CYFIP2: variants seen among roughly 807,000 people sequenced by gnomAD.
CYFIP2 encodes the protein cytoplasmic FMR1 interacting protein 2.
CYFIP2 carries 29 observed loss-of-function variants against 158.7 expected under a neutral mutation model. That is an observed-to-expected ratio of 0.18 (90% CI 0.14 to 0.25). CYFIP2 has a LOEUF of 0.25. Among genes scored for constraint, CYFIP2 ranks in the 10% least tolerant of loss-of-function variants. The probability of loss-of-function intolerance (pLI) is 1.00; values close to 1 mark genes in which losing one functional copy is unlikely to be tolerated. For synonymous variants in CYFIP2, 585 were observed against 617.6 expected, an observed-to-expected ratio of 0.95 and a Z score of 0.78; for missense variants, 852 against 1,639.5, an observed-to-expected ratio of 0.52 and a Z score of 8.29.
intron 1 of CYFIP2, among the ~76,000 whole-genome samples, chr5:157,271,866 T>A (rs1222791546): frequency 6.6e-6 from 1 of 152,172 alleles, no homozygotes. Context: ...ATGGCTTCCC[T>A]TGTGAGTTTT....
intron 5 of CYFIP2, among the ~76,000 whole-genome samples, 169 bp from the exon 6 acceptor site, chr5:157,300,546 A>G (rs1758661519): frequency 1.3e-5 from 2 of 151,852 alleles, no homozygotes; most frequent in African/African-American, 2.4e-5. Context: ...AAAAAAAAAA[A>G]AAAGAAAAAA....
At position 157,314,965 on chromosome 5, in the gene CYFIP2, C is replaced by G. The variant is rs764015755; in HGVS notation, c.1231-4C>G. On this transcript the variant is annotated splice_polypyrimidine_tract_variant and splice_region_variant and intron_variant, in intron 12 of 30. Coordinates refer to ENST00000620254, the MANE Select transcript of CYFIP2 (RefSeq NM_001037333.3). ...GACGTTTGGTTTGTTCCCACTCTCCCCAGTACTCTTGGAAGCTGGTTCATC... is the reference window on the plus strand; with the variant it reads ...GACGTTTGGTTTGTTCCCACTCTCCGCAGTACTCTTGGAAGCTGGTTCATC... 2.2e-5 allele frequency: 34 copies of G among 1,561,998 alleles called. 1 individual carries two copies. The South Asian group carries it at 3.8e-4, about 17-fold the overall frequency.
intron 26 of CYFIP2, among the ~76,000 whole-genome samples, chr5:157,379,262 T>C (rs1274658870): frequency 1.3e-5 from 2 of 151,980 alleles, no homozygotes; most frequent in Non-Finnish European, 2.9e-5. Flanking sequence ...ATAGATAATA[T>C]ACTTACATCT....
Position 157,311,787 on chromosome 5 carries a change from C to A in CYFIP2, c.1110+6C>A. ...CTCGCTACAGCAACAGTGAGGTGAG[C>A]ATGCAGGCTGCTGGGGCACAGGCCC... On this transcript the variant is annotated splice_donor_region_variant and intron_variant, in intron 11 of 30. Transcript: ENST00000620254. The surrounding 1 kb of genome is among the most constrained non-coding windows in gnomAD (Gnocchi z 4.7). The A allele has an allele frequency of 1.3e-6, 2 of 1,586,462 alleles. No homozygotes were observed. The highest frequency in any genetic ancestry group is 1.7e-6 in the Non-Finnish European group (2 of 1,166,448).
chr5:157,383,321 C>T lies in CYFIP2; in HGVS notation c.3169C>T (p.His1057Tyr). The change falls in exon 28 of 31, where the codon CAC becomes TAC. Residue 1057 changes from histidine (H) to tyrosine (Y), a missense_variant. By Grantham distance (83) the His-to-Tyr change is moderately conservative. This residue lies in a region of CYFIP2 where 223 missense variants were observed against 381.6 expected (regional missense o/e 0.58). Transcript: ENST00000620254. Reference sequence around the variant, plus strand: ...TCTGGAAGCCAAGTATGCCCCGCTCCACCTGGTCCCTCTGATCGAGCGGCT... The same window carrying T: ...TCTGGAAGCCAAGTATGCCCCGCTCTACCTGGTCCCTCTGATCGAGCGGCT... ...KRLEAKYAPLHLVPLIERLGT... is the reference protein window; with the variant it reads ...KRLEAKYAPLYLVPLIERLGT... 1.2e-6 allele frequency: 2 copies of T among 1,613,918 alleles called. No homozygotes were observed. Among genetic ancestry groups the T allele is most frequent in the Non-Finnish European group, 1.7e-6 (2 of 1,179,872 alleles).
intron 26 of CYFIP2, among the ~76,000 whole-genome samples, chr5:157,381,529 CA>C (rs1281249714): frequency 0.035 from 3,644 of 102,798 alleles, 155 homozygotes; most frequent in African/African-American, 0.12. Context: ...CTCCGTTTCA[CA>C]AAAAAAAAAA....
chr5:157,390,466 C>G, intron 29 of CYFIP2, 55 bp from the exon 30 acceptor site: 2 of 563,756 alleles, frequency 3.5e-6, no homozygotes, highest in Non-Finnish European at 3.2e-6. Flanking sequence ...CTCCCTCCCT[C>G]CCTGCCCTCC....
At chr5:157,305,636 G>T (rs1051023001) in intron 8 of CYFIP2, among the ~76,000 whole-genome samples, 1 of 152,118 alleles carries the variant, frequency 6.6e-6, no homozygotes, top group African/African-American at 2.4e-5. Flanking sequence ...TCAGCTTCCT[G>T]AGTAGCTGGG....
At chr5:157,388,835 C>A (rs1245846207) in intron 28 of CYFIP2, among the ~76,000 whole-genome samples, 2 of 152,172 alleles carry the variant, frequency 1.3e-5, no homozygotes, top group African/African-American at 4.8e-5. Flanking sequence ...TTATTACCCA[C>A]ACTCAGAAAG....
intron 4 of CYFIP2, 55 bp from the exon 5 acceptor site, chr5:157,296,618 G>T (rs115608948): frequency 0.016 from 24,350 of 1,523,358 alleles, 244 homozygotes; most frequent in Non-Finnish European, 0.019. Flanking sequence ...ACAAAAAACA[G>T]TAATAAGACA....
At chr5:157,382,211 T>C (rs1649687674) in intron 26 of CYFIP2, among the ~76,000 whole-genome samples, 2 of 152,110 alleles carry the variant, frequency 1.3e-5, no homozygotes, top group African/African-American at 4.8e-5. Flanking sequence ...CCTACAGACC[T>C]CACAACCAAA....
At chr5:157,390,708 G>A (rs374162949) in intron 30 of CYFIP2, 40 bp downstream of exon 30, 2 of 1,564,700 alleles carry the variant, frequency 1.3e-6, no homozygotes, top group Non-Finnish European at 1.7e-6. Flanking sequence ...GGTGGGGCTG[G>A]GCTGACAACC....
chr5:157,343,508 T>A, intron 23 of CYFIP2: 1 of 1,583,314 alleles, frequency 6.3e-7, no homozygotes, highest in Non-Finnish European at 8.6e-7. Context: ...GGCTCCTGTA[T>A]AAGAAATGTT....
chr5:157,379,668 C>CAAAAAAAAAAAAAAAAAAAAA, intron 26 of CYFIP2, among the ~76,000 whole-genome samples: 1 of 73,654 alleles, frequency 1.4e-5, no homozygotes, highest in Non-Finnish European at 2.4e-5. Context: ...GACCCTGTCT[C>CAAAAAAAAAAAAAAAAAAAAA]AAAAAAAAAA....
Position 157,392,950 on chromosome 5 carries a change from G to A in CYFIP2, c.3712G>A (p.Val1238Met). 1 of 1,613,950 alleles carries A rather than the reference G, an allele frequency of 6.2e-7. No individual in the cohort carries two copies. The highest frequency in any genetic ancestry group is 8.5e-7 in the Non-Finnish European group (1 of 1,179,882). The change falls in exon 31 of 31, where the codon GTG becomes ATG. Residue 1238 changes from valine to methionine, a missense_variant. Physicochemically the swap from Val to Met is conservative, Grantham distance 21. Coordinates refer to ENST00000620254, the MANE Select transcript of CYFIP2 (RefSeq NM_001037333.3). ...VETDSSTVEH[V>M]RCFQPPIHQS... ...GACAGACAGTTCCACTGTGGAGCAT[G>A]TGCGCTGCTTCCAGCCACCCATCCA... is the stretch of plus-strand genomic sequence containing the variant.
At chr5:157,340,094 C>G (rs1340383769) in intron 22 of CYFIP2, among the ~76,000 whole-genome samples, 1 of 152,266 alleles carries the variant, frequency 6.6e-6, no homozygotes, top group Non-Finnish European at 1.5e-5. Flanking sequence ...GAACTTGCCT[C>G]CTGCAAGGTG....
At chr5:157,356,794 T>C (rs990798980) in intron 23 of CYFIP2, among the ~76,000 whole-genome samples, 1 of 152,236 alleles carries the variant, frequency 6.6e-6, no homozygotes, top group Admixed American at 6.5e-5. Context: ...CTAGTAGTCC[T>C]GGCCCCATTT....
In CYFIP2 at chr5:157,311,863, C is replaced by A; in HGVS notation, c.1110+82C>A. ...GGAGCAGCCAGGAAAGAACATGGACCCACGGAACACTGGAGAGTAGAAGGG... is the reference window on the plus strand; with the variant it reads ...GGAGCAGCCAGGAAAGAACATGGACACACGGAACACTGGAGAGTAGAAGGG... On this transcript the variant is annotated intron_variant, in intron 11 of 30. Transcript: ENST00000620254. This position sits in a 1 kb window ranked among gnomAD's most constrained non-coding sequence, Gnocchi z 4.7. The A allele has an allele frequency of 7.8e-7, 1 of 1,278,658 alleles. No homozygotes were observed. The highest frequency in any genetic ancestry group is 1.1e-6 in the Non-Finnish European group (1 of 906,054). The allele number at this position is 1,278,658 out of a possible 1,614,324, so 79.2% of individuals were successfully genotyped here.
intron 26 of CYFIP2, among the ~76,000 whole-genome samples, chr5:157,377,220 T>A (rs1765571347): frequency 1.3e-5 from 2 of 152,008 alleles, no homozygotes; most frequent in African/African-American, 2.4e-5. Flanking sequence ...CAGGATAATG[T>A]CTAGAAATCT....
Sources: gnomAD v4.1 joint callset for allele counts (sites outside exome capture counted in the v4.1 genomes callset) on GRCh38, gnomAD v4.1.1 for gene constraint, gnomAD v4.1.1 regional missense constraint, Gnocchi (gnomAD v3.1) non-coding constraint, MANE v1.5 for transcripts, NCBI Gene and HGNC (gene_info 2026-07-23, HGNC 2026-07-21) for gene names.